Variants in HCN1 observed in about 807,000 individuals in gnomAD.
HCN1 encodes the protein hyperpolarization activated cyclic nucleotide gated potassium channel 1, also known as potassium/sodium hyperpolarization-activated cyclic nucleotide-gated channel 1.
A neutral mutation model predicts 78.9 loss-of-function variants in HCN1; 13 were observed. The ratio of observed to expected loss-of-function variants is 0.16; its 90% CI spans 0.11 to 0.26. HCN1 has a LOEUF of 0.26. Among genes scored for constraint, HCN1 ranks in the 10% least tolerant of loss-of-function variants. The probability of loss-of-function intolerance (pLI) is 1.00; values close to 1 mark genes in which losing one functional copy is unlikely to be tolerated. For synonymous variants in HCN1, 552 were observed against 455.5 expected, an observed-to-expected ratio of 1.21 and a Z score of -2.70; for missense variants, 810 against 1,154.3, an observed-to-expected ratio of 0.70 and a Z score of 4.32.
In HCN1 at chr5:45,261,253, T is replaced by C. The variant is rs1380281262; in HGVS notation, c.*668A>G. On this transcript the variant is annotated 3_prime_UTR_variant, in exon 8 of 8. Transcript: ENST00000303230. ...GTCTTGGTAAAAGTCCGATAACACA[T>C]GAAGACAAATATTAATTTTCCCTCA... is the stretch of plus-strand genomic sequence containing the variant. 6.5e-6 allele frequency: 1 copy of C among 152,684 alleles called. No homozygotes were observed. The highest frequency in any genetic ancestry group is 1.5e-5 in the Non-Finnish European group (1 of 68,060). 9.5% of individuals were successfully genotyped at this position (152,684 alleles called of 1,614,324 possible).
chr5:45,588,209 G>A (rs1744275835), intron 2 of HCN1, among the ~76,000 whole-genome samples: 1 of 152,048 alleles, frequency 6.6e-6, no homozygotes, highest in Admixed American at 6.6e-5. Context: ...ATAAATAGCA[G>A]GGAAGTCAAG....
chr5:45,603,927 TA>T (rs1242781148), intron 2 of HCN1, among the ~76,000 whole-genome samples: 3 of 152,128 alleles, frequency 2.0e-5, no homozygotes, highest in African/African-American at 7.2e-5. Context: ...TGAATAGGTT[TA>T]TTTCCATTTT....
chr5:45,475,551 C>T (rs1029188715), intron 2 of HCN1, among the ~76,000 whole-genome samples: 2 of 152,126 alleles, frequency 1.3e-5, no homozygotes, highest in South Asian at 2.1e-4. Flanking sequence ...TATTGAATTG[C>T]CATGATTTAA....
chr5:45,273,496 A>G (rs1447251362), intron 6 of HCN1, among the ~76,000 whole-genome samples: 2 of 152,120 alleles, frequency 1.3e-5, no homozygotes, highest in African/African-American at 4.8e-5. Flanking sequence ...ACGTTTTGCA[A>G]CTCAGAAATA....
At chr5:45,421,628 A>G (rs1579882904) in intron 3 of HCN1, among the ~76,000 whole-genome samples, 1 of 152,320 alleles carries the variant, frequency 6.6e-6, no homozygotes, top group South Asian at 2.1e-4. Flanking sequence ...TTTAATATAT[A>G]TTTTAAATCT....
intron 2 of HCN1, among the ~76,000 whole-genome samples, chr5:45,596,620 A>G (rs569301893): frequency 2.0e-5 from 3 of 152,336 alleles, no homozygotes; most frequent in South Asian, 4.1e-4. Flanking sequence ...AGGTGAAGCT[A>G]TAATTTCTCC....
At chr5:45,444,136 G>A (rs977275696) in intron 3 of HCN1, among the ~76,000 whole-genome samples, 1 of 152,050 alleles carries the variant, frequency 6.6e-6, no homozygotes, top group Non-Finnish European at 1.5e-5. Context: ...ACTTTTGGCA[G>A]GTTTTTATAA....
intron 2 of HCN1, among the ~76,000 whole-genome samples, chr5:45,484,652 G>C (rs776206622): frequency 6.6e-6 from 1 of 152,122 alleles, no homozygotes; most frequent in Non-Finnish European, 1.5e-5. Context: ...GAATAAGTAA[G>C]TTTATTCTGC....
chr5:45,552,510 C>A (rs958588288), intron 2 of HCN1, among the ~76,000 whole-genome samples: 1 of 151,908 alleles, frequency 6.6e-6, no homozygotes, highest in Non-Finnish European at 1.5e-5. Context: ...CTATAAGTAT[C>A]ATCAAGAGAA....
chr5:45,473,951 AT>A (rs1741461551), intron 2 of HCN1, among the ~76,000 whole-genome samples: 1 of 151,894 alleles, frequency 6.6e-6, no homozygotes, highest in Admixed American at 6.6e-5. Context: ...ACATTAATTT[AT>A]AATATACTCT....
At chr5:45,351,186 C>G (rs1398100389) in intron 5 of HCN1, among the ~76,000 whole-genome samples, 1 of 151,918 alleles carries the variant, frequency 6.6e-6, no homozygotes, top group Admixed American at 6.6e-5. Context: ...AGATATAGAT[C>G]AATGGAACAG....
intron 2 of HCN1, among the ~76,000 whole-genome samples, chr5:45,489,469 A>C (rs1398595571): frequency 1.3e-5 from 2 of 152,200 alleles, no homozygotes; most frequent in African/African-American, 4.8e-5. Context: ...GAAGCTTGAA[A>C]AGTACACAAG....
At chr5:45,544,170 A>G (rs180939801) in intron 2 of HCN1, among the ~76,000 whole-genome samples, 1 of 152,238 alleles carries the variant, frequency 6.6e-6, no homozygotes, top group Admixed American at 6.5e-5. Context: ...CCATAGAAAG[A>G]ATGCCTTTTT....
At chr5:45,363,655 G>A (rs1261659916) in intron 4 of HCN1, among the ~76,000 whole-genome samples, 1 of 151,964 alleles carries the variant, frequency 6.6e-6, no homozygotes, top group Admixed American at 6.6e-5. Context: ...TGTTGTGGGA[G>A]GGACCCAGGG....
At position 45,494,981 on chromosome 5, in the gene HCN1, C is replaced by T. The variant is rs1289032100; in HGVS notation, c.850-32974G>A. On this transcript the variant is annotated intron_variant, in intron 2 of 7. Coordinates refer to ENST00000303230, the MANE Select transcript of HCN1 (RefSeq NM_021072.4). ...TATATCTCTGTTTTGGTACCAGTAC[C>T]ATGCTGTTTTGGTTACTGTAGCCTT... 1.7e-4 allele frequency among the ~76,000 whole-genome samples: 25 copies of T among 145,136 alleles called. No individual in the cohort carries two copies. The South Asian group carries it at 5.1e-3, about 30-fold the overall frequency.
intron 5 of HCN1, among the ~76,000 whole-genome samples, chr5:45,347,849 G>A (rs1056321098): frequency 2.0e-5 from 3 of 152,194 alleles, no homozygotes; most frequent in Admixed American, 1.3e-4. Flanking sequence ...AAGCCTCCAA[G>A]AAATATGGGA....
intron 2 of HCN1, among the ~76,000 whole-genome samples, chr5:45,506,559 A>G (rs1371131457): frequency 6.6e-6 from 1 of 152,134 alleles, no homozygotes; most frequent in Non-Finnish European, 1.5e-5. Context: ...TGGGTTACAA[A>G]ATAAAAATAA....
At chr5:45,376,955 T>A (rs1438279336) in intron 4 of HCN1, among the ~76,000 whole-genome samples, 2 of 151,952 alleles carry the variant, frequency 1.3e-5, no homozygotes, top group African/African-American at 4.8e-5. Context: ...TGCAACCAGG[T>A]GTTTGTCATG....
chr5:45,410,459 C>T (rs188581608), intron 3 of HCN1, among the ~76,000 whole-genome samples: 18 of 152,148 alleles, frequency 1.2e-4, no homozygotes, highest in Admixed American at 9.2e-4. Context: ...GAGAACCATT[C>T]TCCTATGCTA....
Sources: gnomAD v4.1 joint callset for allele counts (sites outside exome capture counted in the v4.1 genomes callset) on GRCh38, gnomAD v4.1.1 for gene constraint, MANE v1.5 for transcripts, NCBI Gene and HGNC (gene_info 2026-07-23, HGNC 2026-07-21) for gene names.